ITPK1: variants seen among roughly 807,000 people sequenced by gnomAD.
ITPK1 encodes the protein inositol-tetrakisphosphate 1-kinase, also known as inositol 1,3,4-trisphosphate 5/6-kinase.
Under a neutral mutation model 45.3 loss-of-function variants are expected in ITPK1, and 21 were observed. That is an observed-to-expected ratio of 0.46 (90% CI 0.33 to 0.67). The LOEUF (loss-of-function observed/expected upper bound fraction) is 0.67, where lower values mean the gene tolerates loss of function less well. ITPK1 is among the 30% of genes least tolerant of loss of function. ITPK1 has a pLI of 0.02. For synonymous variants in ITPK1, 258 were observed against 253.6 expected (o/e 1.02, Z -0.16); for missense variants, 474 against 573.5 (o/e 0.83, Z 1.77).
chr14:93,107,792 C>G (rs974304800), intron 2 of ITPK1, among the ~76,000 whole-genome samples: 1 of 152,216 alleles, frequency 6.6e-6, no homozygotes, highest in African/African-American at 2.4e-5. Context: ...CAGGGGCCAT[C>G]CAGAGGATGG....
chr14:93,009,368 G>A (rs1887777756), intron 4 of ITPK1, among the ~76,000 whole-genome samples: 1 of 152,232 alleles, frequency 6.6e-6, no homozygotes, highest in South Asian at 2.1e-4. Context: ...CAGCCCACAT[G>A]CTGGCTCAGA....
At chr14:92,957,262 T>C (rs943111618) in intron 8 of ITPK1, among the ~76,000 whole-genome samples, 5 of 152,308 alleles carry the variant, frequency 3.3e-5, no homozygotes, top group East Asian at 1.9e-4. Context: ...CTGAAAGAAA[T>C]GTGCAGCTGA....
intron 2 of ITPK1, among the ~76,000 whole-genome samples, chr14:93,105,817 C>G (rs1412236210): frequency 6.6e-6 from 1 of 151,810 alleles, no homozygotes; most frequent in Non-Finnish European, 1.5e-5. Flanking sequence ...GTTTCTCCTG[C>G]CTCAGCCTCC....
intron 2 of ITPK1, among the ~76,000 whole-genome samples, chr14:93,110,762 C>G (rs962548527): frequency 6.6e-6 from 1 of 152,166 alleles, no homozygotes; most frequent in Non-Finnish European, 1.5e-5. Context: ...ACGTTTCTTG[C>G]AAGCCAAGTC....
intron 3 of ITPK1, among the ~76,000 whole-genome samples, chr14:93,026,087 G>A (rs959132743): frequency 1.3e-5 from 2 of 152,072 alleles, no homozygotes; most frequent in African/African-American, 4.8e-5. Flanking sequence ...CTCCAGCCTG[G>A]GTGACAGAGT....
chr14:92,956,024 T>C, intron 8 of ITPK1, among the ~76,000 whole-genome samples: 1 of 152,178 alleles, frequency 6.6e-6, no homozygotes, highest in East Asian at 1.9e-4. Flanking sequence ...GCTTTGGGGA[T>C]GGAGAGACAC....
chr14:93,077,322 A>AT (rs1457355445), intron 2 of ITPK1, among the ~76,000 whole-genome samples: 5 of 150,972 alleles, frequency 3.3e-5, no homozygotes, highest in Admixed American at 1.3e-4. Context: ...TTCCTGACCC[A>AT]TTTCTTTTTT....
In ITPK1 at chr14:92,941,052, C is replaced by T; in HGVS notation, c.*509G>A. ...CAGGCAGGGTGGGGGCTAACAAAGC[C>T]TTGGTGGAGACCAGTAGGAGGAAAA... is the stretch of plus-strand genomic sequence containing the variant. On this transcript the variant is annotated 3_prime_UTR_variant, in exon 11 of 11. Transcript: ENST00000267615. 1 of 1,220,730 alleles carries T rather than the reference C, an allele frequency of 8.2e-7. No homozygotes were observed. Among genetic ancestry groups the T allele is most frequent in the Non-Finnish European group, 1.0e-6 (1 of 957,084 alleles). The allele number at this position is 1,220,730 out of a possible 1,614,324, so 75.6% of individuals were successfully genotyped here.
intron 3 of ITPK1, chr14:93,066,142 C>A: frequency 2.6e-6 from 1 of 388,066 alleles, no homozygotes; most frequent in South Asian, 1.8e-5. Flanking sequence ...GAGGCCTGGC[C>A]ACATCCTGTG....
intron 4 of ITPK1, among the ~76,000 whole-genome samples, chr14:92,999,459 A>G (rs950154360): frequency 2.0e-5 from 3 of 152,208 alleles, no homozygotes; most frequent in Admixed American, 6.5e-5. Context: ...CTGAGCGCCG[A>G]GCGGGTACCA....
chr14:93,099,011 C>G (rs1375713225), intron 2 of ITPK1, among the ~76,000 whole-genome samples: 1 of 152,234 alleles, frequency 6.6e-6, no homozygotes, highest in African/African-American at 2.4e-5. Context: ...TCCAGCCCAG[C>G]CCCTTTGCCC....
intron 7 of ITPK1, among the ~76,000 whole-genome samples, chr14:92,959,670 G>A (rs908593398): frequency 1.8e-4 from 27 of 151,958 alleles, no homozygotes; most frequent in Middle Eastern, 3.2e-3. Context: ...ATCATGGGTG[G>A]CTTCAGGGAT....
chr14:92,967,017 A>C (rs1322654394), intron 5 of ITPK1, among the ~76,000 whole-genome samples: 1 of 152,262 alleles, frequency 6.6e-6, no homozygotes, highest in African/African-American at 2.4e-5. Context: ...GTGAACCTTC[A>C]TGACCGTGCA....
chr14:93,098,898 G>A (rs1432087349), intron 2 of ITPK1, among the ~76,000 whole-genome samples: 1 of 152,160 alleles, frequency 6.6e-6, no homozygotes, highest in Non-Finnish European at 1.5e-5. Context: ...GGGGCAAGGG[G>A]CTCTGAGCAG....
At chr14:92,964,160 A>C (rs1011615181) in intron 5 of ITPK1, among the ~76,000 whole-genome samples, 7 of 152,196 alleles carry the variant, frequency 4.6e-5, no homozygotes, top group African/African-American at 1.4e-4. Flanking sequence ...TCTAAACTCC[A>C]AACAGAAAGA....
chr14:92,985,879 C>T (rs1886463407), intron 5 of ITPK1, among the ~76,000 whole-genome samples: 1 of 152,154 alleles, frequency 6.6e-6, no homozygotes, highest in South Asian at 2.1e-4. Flanking sequence ...GAGGAAGGTG[C>T]CACCAACATT....
At chr14:93,081,900 T>C (rs1386561491) in intron 2 of ITPK1, among the ~76,000 whole-genome samples, 2 of 152,168 alleles carry the variant, frequency 1.3e-5, no homozygotes, top group Non-Finnish European at 2.9e-5. Flanking sequence ...CCAGGGCAGA[T>C]AACCTGAGAA....
intron 5 of ITPK1, among the ~76,000 whole-genome samples, chr14:92,980,368 G>T (rs997631370): frequency 2.6e-5 from 4 of 152,190 alleles, no homozygotes; most frequent in African/African-American, 9.7e-5. Context: ...GGGGAGAAAG[G>T]TGGAGGGCTC....
intron 3 of ITPK1, among the ~76,000 whole-genome samples, chr14:93,030,988 C>G (rs1217308150): frequency 6.6e-6 from 1 of 152,186 alleles, no homozygotes; most frequent in Non-Finnish European, 1.5e-5. Flanking sequence ...CAATCCACCC[C>G]CAGCAGGGAG....
Sources: allele counts gnomAD v4.1 joint callset (sites outside exome capture counted in the v4.1 genomes callset), GRCh38; gene constraint gnomAD v4.1.1; transcripts MANE v1.5; gene names NCBI Gene and HGNC (gene_info 2026-07-23, HGNC 2026-07-21).